DAAM1: variants seen among roughly 807,000 people sequenced by gnomAD.
DAAM1 encodes the protein dishevelled associated activator of morphogenesis 1.
Under a neutral mutation model 130.0 loss-of-function variants are expected in DAAM1, and 52 were observed. That is an observed-to-expected ratio of 0.40 (90% CI 0.32 to 0.50). The LOEUF (loss-of-function observed/expected upper bound fraction) is 0.50, where lower values mean the gene tolerates loss of function less well. Among genes scored for constraint, DAAM1 ranks in the 20% least tolerant of loss-of-function variants. DAAM1 has a pLI of 0.61. For synonymous variants in DAAM1, 452 were observed against 444.5 expected (o/e 1.02, Z -0.21); for missense variants, 1,134 against 1,303.8 (o/e 0.87, Z 2.01).
At position 59,324,215 on chromosome 14, in the gene DAAM1, G is replaced by A. The variant is rs781341058; in HGVS notation, c.862G>A (p.Val288Met). 1 of 1,465,048 alleles carries A rather than the reference G, an allele frequency of 6.8e-7. No homozygotes were observed. Among genetic ancestry groups the A allele is most frequent in the East Asian group, 2.4e-5 (1 of 40,872 alleles). 90.8% of individuals were successfully genotyped at this position (1,465,048 alleles called of 1,614,324 possible). A position where few individuals can be genotyped will look rare whatever the true frequency, so the allele number is the denominator to read the frequency against. ...KTAIMSFINAVLSQGAGVESL... is the reference protein window; with the variant it reads ...KTAIMSFINAMLSQGAGVESL... ...TGCCATCATGTCCTTCATTAATGCA[G>A]TGCTCAGCCAAGGTGCAGGAGTGGT... is the stretch of plus-strand genomic sequence containing the variant. The change falls in exon 7 of 25, where the codon GTG becomes ATG. Residue 288 changes from valine (V) to methionine (M), a missense_variant. Val to Met is a conservative substitution (Grantham distance 21). This residue lies in a region of DAAM1 where 391 missense variants were observed against 521.6 expected (regional missense o/e 0.75). Transcript: ENST00000360909.
chr14:59,316,707 T>C (rs1884808733), intron 4 of DAAM1, among the ~76,000 whole-genome samples: 1 of 152,222 alleles, frequency 6.6e-6, no homozygotes, highest in East Asian at 1.9e-4. Context: ...GCCTAAGCAA[T>C]AATAATTTGG....
At chr14:59,201,073 A>C (rs1888087324) in intron 1 of DAAM1, among the ~76,000 whole-genome samples, 1 of 148,844 alleles carries the variant, frequency 6.7e-6, no homozygotes, top group South Asian at 2.2e-4. Context: ...AGGCAGGAGA[A>C]TGGTATGAAC....
chr14:59,306,274 G>A (rs539905200), intron 3 of DAAM1, among the ~76,000 whole-genome samples: 1 of 152,150 alleles, frequency 6.6e-6, no homozygotes, highest in Admixed American at 6.5e-5. Flanking sequence ...CACTCACAAG[G>A]AGAGCAGGGA....
chr14:59,248,624 A>G (rs1254130958), intron 1 of DAAM1, among the ~76,000 whole-genome samples: 1 of 152,170 alleles, frequency 6.6e-6, no homozygotes, highest in Non-Finnish European at 1.5e-5. Flanking sequence ...TTACACACTC[A>G]ACACATGTGC....
At position 59,352,566 on chromosome 14, in the gene DAAM1, T is replaced by G; in HGVS notation, c.2201T>G (p.Leu734Trp). The change falls in exon 18 of 25, where the codon TTG becomes TGG. Residue 734 changes from leucine to tryptophan, a missense_variant. Around this residue, in one of 3 missense-constraint regions of DAAM1, gnomAD observed 644 missense variants for 695.9 expected, o/e 0.93. Coordinates refer to ENST00000360909, the MANE Select transcript of DAAM1 (RefSeq NM_001270520.2). ...CCTGAAAAAAGTGACATTGACCTAT[T>G]GGAGGAACATAAACACGAACTGGAT... ...FVPEKSDIDL[L>W]EEHKHELDRM... The G allele has an allele frequency of 6.2e-7, 1 of 1,613,604 alleles. No individual in the cohort carries two copies. The highest frequency in any genetic ancestry group is 8.5e-7 in the Non-Finnish European group (1 of 1,179,798).
chr14:59,221,528 A>G (rs1471744700), intron 1 of DAAM1, among the ~76,000 whole-genome samples: 1 of 152,154 alleles, frequency 6.6e-6, no homozygotes, highest in Non-Finnish European at 1.5e-5. Flanking sequence ...TCATTTCTGA[A>G]GGGTCTGGAT....
chr14:59,364,692 T>C (rs1886844905), intron 23 of DAAM1, among the ~76,000 whole-genome samples: 1 of 150,906 alleles, frequency 6.6e-6, no homozygotes, highest in Non-Finnish European at 1.5e-5. Flanking sequence ...CCTGTTTGGT[T>C]GTAGATATGG....
intron 2 of DAAM1, among the ~76,000 whole-genome samples, chr14:59,269,974 T>C (rs773913166): frequency 2.6e-5 from 4 of 152,206 alleles, no homozygotes; most frequent in Admixed American, 6.5e-5. Context: ...CTTAAACATA[T>C]ATATCAAATT....
chr14:59,293,149 A>G (rs777259392), intron 3 of DAAM1, among the ~76,000 whole-genome samples: 2 of 151,304 alleles, frequency 1.3e-5, no homozygotes, highest in Non-Finnish European at 3.0e-5. Flanking sequence ...CTTTCTGAAA[A>G]TAAGGAAACA....
At chr14:59,277,596 G>T (rs192294907) in intron 2 of DAAM1, among the ~76,000 whole-genome samples, 1 of 151,974 alleles carries the variant, frequency 6.6e-6, no homozygotes, top group African/African-American at 2.4e-5. Flanking sequence ...TAGTTTTTGA[G>T]AAACTAAAAC....
At chr14:59,361,402 A>G (rs1886699979) in intron 22 of DAAM1, among the ~76,000 whole-genome samples, 1 of 152,162 alleles carries the variant, frequency 6.6e-6, no homozygotes, top group African/African-American at 2.4e-5. Context: ...GCATCCAGAT[A>G]AGCAGAGTGA....
rs34716855 is a variant in DAAM1, at chr14:59,368,151, CCTTTT to C, written c.2998-498_2998-494del. ...GAATTAAAGATGTTTCCCCCACCTTCCTTTTATCTGAATTATCCAAATTGTCTACA... is the reference window on the plus strand; with the variant it reads ...GAATTAAAGATGTTTCCCCCACCTTCATCTGAATTATCCAAATTGTCTACA... On this transcript the variant is annotated intron_variant, in intron 24 of 24. Coordinates refer to ENST00000360909, the MANE Select transcript of DAAM1 (RefSeq NM_001270520.2). Among the ~76,000 whole-genome samples, 720 of 152,206 alleles carry C rather than the reference CCTTTT, an allele frequency of 4.7e-3. 9 individuals carry two copies. Among genetic ancestry groups the C allele is most frequent in the African/African-American group, 0.017 (686 of 41,510 alleles).
intron 1 of DAAM1, among the ~76,000 whole-genome samples, chr14:59,222,788 A>G (rs968100590): frequency 6.6e-6 from 1 of 152,186 alleles, no homozygotes; most frequent in Non-Finnish European, 1.5e-5. Flanking sequence ...CTTCTCCCCC[A>G]GATTTCTTTG....
At chr14:59,346,042 G>A (rs984680886) in intron 16 of DAAM1, among the ~76,000 whole-genome samples, 5 of 150,616 alleles carry the variant, frequency 3.3e-5, no homozygotes, top group African/African-American at 1.2e-4. Context: ...ATAGTTTACT[G>A]TGTTCTTTCT....
At chr14:59,241,784 A>T (rs1566663966) in intron 1 of DAAM1, among the ~76,000 whole-genome samples, 1 of 152,198 alleles carries the variant, frequency 6.6e-6, no homozygotes, top group African/African-American at 2.4e-5. Context: ...GGGATAAATC[A>T]TGTGACCTTC....
rs539104021 is a variant in DAAM1 at position 59,225,955 on chromosome 14, G to A, written c.-38+37187G>A. Among the ~76,000 whole-genome samples the A allele has an allele frequency of 1.1e-4, 17 of 152,180 alleles. No homozygotes were observed. In the East Asian group the frequency reaches 2.9e-3, roughly 26 times the overall value. ...ATATTAATTGAACCCTCTTACTAAT[G>A]TGGCAAGAAACTCAAGCCCTACGAC... On this transcript the variant is annotated intron_variant, in intron 1 of 24. Transcript: ENST00000360909.
chr14:59,248,360 T>C (rs900388827), intron 1 of DAAM1, among the ~76,000 whole-genome samples: 6 of 151,854 alleles, frequency 4.0e-5, no homozygotes, highest in Admixed American at 1.3e-4. Flanking sequence ...TTTGTTTGAC[T>C]CAGGCTTAAG....
intron 23 of DAAM1, among the ~76,000 whole-genome samples, chr14:59,366,967 G>GT (rs1886941739): frequency 6.7e-6 from 1 of 149,760 alleles, no homozygotes; most frequent in Non-Finnish European, 1.5e-5. Context: ...TGGGCAACAT[G>GT]TAAGACCCCA....
chr14:59,272,484 G>A (rs1204760548), intron 2 of DAAM1, among the ~76,000 whole-genome samples: 1 of 152,074 alleles, frequency 6.6e-6, no homozygotes, highest in Non-Finnish European at 1.5e-5. Flanking sequence ...GCTGAGGCAC[G>A]AGAGTCACTT....
Sources: gnomAD v4.1 joint callset for allele counts (sites outside exome capture counted in the v4.1 genomes callset) on GRCh38, gnomAD v4.1.1 for gene constraint, gnomAD v4.1.1 regional missense constraint, MANE v1.5 for transcripts, NCBI Gene and HGNC (gene_info 2026-07-23, HGNC 2026-07-21) for gene names.